Variants in ANKRD29 observed in about 807,000 individuals in gnomAD.
The protein encoded by ANKRD29 is ankyrin repeat domain 29.
In ANKRD29, 32 loss-of-function variants were observed where a neutral mutation model predicts 38.0. The ratio of observed to expected loss-of-function variants is 0.84; its 90% confidence interval spans 0.64 to 1.13. The LOEUF (loss-of-function observed/expected upper bound fraction) is 1.13. ANKRD29 is among the 50% of genes most tolerant of loss of function. The pLI, the probability that ANKRD29 is intolerant of heterozygous loss-of-function variation, is 0.00. For synonymous variants in ANKRD29, 135 were observed against 152.4 expected, an observed-to-expected ratio of 0.89 and a Z score of 0.84; for missense variants, 357 against 377.9, an observed-to-expected ratio of 0.94 and a Z score of 0.46.
intron 1 of ANKRD29, among the ~76,000 whole-genome samples, chr18:23,652,065 A>G (rs1190977317): frequency 6.6e-6 from 1 of 152,090 alleles, no homozygotes; most frequent in Non-Finnish European, 1.5e-5. Context: ...AAAAATGATG[A>G]GTTCAGGGTT....
intron 9 of ANKRD29, among the ~76,000 whole-genome samples, chr18:23,603,878 T>C (rs1473275231): frequency 6.6e-6 from 1 of 151,836 alleles, no homozygotes; most frequent in African/African-American, 2.4e-5. Context: ...AGTCTCACTC[T>C]GTTGCCCAGG....
At chr18:23,604,801 T>A (rs1244169865) in intron 9 of ANKRD29, among the ~76,000 whole-genome samples, 2 of 152,200 alleles carry the variant, frequency 1.3e-5, no homozygotes, top group Non-Finnish European at 2.9e-5. Context: ...AGTGCTGGAA[T>A]TACAGGCGTG....
chr18:23,639,397 A>C (rs1372575296), intron 3 of ANKRD29, among the ~76,000 whole-genome samples: 1 of 152,210 alleles, frequency 6.6e-6, no homozygotes, highest in Non-Finnish European at 1.5e-5. Context: ...GTATCCATAC[A>C]ATGGACTATT....
chr18:23,648,048 A>G (rs56718069), intron 2 of ANKRD29: 18,980 of 152,446 alleles, frequency 0.12, 2,548 homozygotes, highest in African/African-American at 0.3. Flanking sequence ...CAGGATGCAG[A>G]GAACAGTGGG....
At position 23,619,590 on chromosome 18, in the gene ANKRD29, G is replaced by A. The variant is rs1186920406; in HGVS notation, c.568C>T (p.His190Tyr). ...APLWIASQMG[H>Y]SEVVRVMLLR... Reference sequence around the variant, plus strand: ...AGCATCACCCGCACCACCTCGCTGTGGCCCATCTGGGACGCGATCCACAGG... The same window carrying A: ...AGCATCACCCGCACCACCTCGCTGTAGCCCATCTGGGACGCGATCCACAGG... The change falls in exon 7 of 10, where the codon CAC becomes TAC. Residue 190 changes from histidine to tyrosine, a missense_variant. His to Tyr is a moderately conservative substitution (Grantham distance 83). Coordinates refer to ENST00000592179, the MANE Select transcript of ANKRD29 (RefSeq NM_173505.4). 5 of 1,596,982 alleles carry A rather than the reference G, an allele frequency of 3.1e-6. No individual in the cohort carries two copies. Among genetic ancestry groups the A allele is most frequent in the Non-Finnish European group, 4.2e-6 (5 of 1,178,878 alleles).
At chr18:23,647,741 G>C (rs949409789) in intron 2 of ANKRD29, 2 of 152,144 alleles carry the variant, frequency 1.3e-5, no homozygotes, top group African/African-American at 2.4e-5. Flanking sequence ...GTGACAACTG[G>C]TGTTTCTGCC....
chr18:23,612,792 G>T (rs1353204510), intron 8 of ANKRD29, among the ~76,000 whole-genome samples: 1 of 152,084 alleles, frequency 6.6e-6, no homozygotes, highest in Non-Finnish European at 1.5e-5. Flanking sequence ...AATGTTTTAT[G>T]ACATTTACTG....
chr18:23,612,257 T>G, intron 8 of ANKRD29, 67 bp from the exon 9 acceptor site: 1 of 1,366,142 alleles, frequency 7.3e-7, no homozygotes, highest in South Asian at 1.2e-5. Context: ...ATGGCTTTCA[T>G]CATAAACCAT....
intron 9 of ANKRD29, among the ~76,000 whole-genome samples, chr18:23,606,237 T>G (rs1397808435): frequency 2.0e-5 from 3 of 152,168 alleles, no homozygotes; most frequent in Non-Finnish European, 4.4e-5. Flanking sequence ...TCAGCCACCC[T>G]AGTAGTTAGG....
intron 3 of ANKRD29, among the ~76,000 whole-genome samples, chr18:23,642,272 G>A (rs1183936405): frequency 3.9e-5 from 6 of 151,932 alleles, no homozygotes; most frequent in Non-Finnish European, 8.8e-5. Context: ...GCCCTTTGGG[G>A]AGCCCAGACC....
intron 9 of ANKRD29, among the ~76,000 whole-genome samples, chr18:23,601,622 G>A (rs950939346): frequency 1.3e-5 from 2 of 152,078 alleles, no homozygotes; most frequent in East Asian, 3.8e-4. Flanking sequence ...TGTCTAAAAT[G>A]TGCTCAATAA....
Position 23,638,936 on chromosome 18 carries a change from A to T in ANKRD29, c.243T>A (p.Thr81=), listed in dbSNP as rs1479427195. 1 of 1,608,598 alleles carries T rather than the reference A, an allele frequency of 6.2e-7. No individual in the cohort carries two copies. Among genetic ancestry groups the T allele is most frequent in the Admixed American group, 1.7e-5 (1 of 58,318 alleles). The change falls in exon 4 of 10, where the codon ACT becomes ACA. Residue 81 remains threonine (T), a synonymous_variant. Transcript: ENST00000592179. ...CTTGCTGGGCGGCAAAGAATAGGGC[A>T]GTTGTACCTGACTGGGAGAGAGGGA... ...DINLQRESGT[T]ALFFAAQQGH... is the part of the protein sequence containing the mutation.
chr18:23,616,574 T>C lies in ANKRD29; in HGVS notation c.723+1158A>G, dbSNP rs556705686. Among the ~76,000 whole-genome samples the C allele has an allele frequency of 1.6e-3, 219 of 138,518 alleles. 1 individual carries two copies. Among genetic ancestry groups the C allele is most frequent in the South Asian group, 6.7e-3 (31 of 4,646 alleles). The allele number at this position is 138,518 out of a possible 152,430, so 90.9% of individuals were successfully genotyped here. On this transcript the variant is annotated intron_variant, in intron 8 of 9. Transcript: ENST00000592179. ...AGTATATATATATATACACTATATA[T>C]ACAGTATATATATATATATACTATA...
intron 6 of ANKRD29, 135 bp from the exon 7 acceptor site, chr18:23,619,764 G>C (rs1372016614): frequency 1.5e-6 from 1 of 676,932 alleles, no homozygotes; most frequent in African/African-American, 1.9e-5. Context: ...ACACTCTGCA[G>C]CTGATCCACA....
At chr18:23,628,802 C>G (rs2059892840) in intron 6 of ANKRD29, among the ~76,000 whole-genome samples, 1 of 149,980 alleles carries the variant, frequency 6.7e-6, no homozygotes, top group Non-Finnish European at 1.5e-5. Context: ...CCACCACACT[C>G]CAGCCTGGAT....
intron 5 of ANKRD29, among the ~76,000 whole-genome samples, chr18:23,630,477 CA>C: frequency 6.6e-6 from 1 of 151,622 alleles, no homozygotes; most frequent in East Asian, 1.9e-4. Flanking sequence ...AAAAATTAGC[CA>C]GGTGTGGTGC....
intron 1 of ANKRD29, among the ~76,000 whole-genome samples, chr18:23,657,831 C>T (rs551010611): frequency 6.6e-6 from 1 of 152,292 alleles, no homozygotes; most frequent in South Asian, 2.1e-4. Flanking sequence ...TGCTTGTGTT[C>T]CTCCCCAAAT....
intron 2 of ANKRD29, chr18:23,647,601 C>A (rs2060156418): frequency 6.6e-6 from 1 of 152,038 alleles, no homozygotes; most frequent in Non-Finnish European, 1.5e-5. Context: ...CTCACTGCAA[C>A]CCCCGCCTCC....
rs765493407 is a variant in ANKRD29 at position 23,629,914 on chromosome 18, C to A, written c.467G>T (p.Gly156Val). ...ATALFLAAQG[G>V]YLDVIRLLLA... is the part of the protein sequence containing the mutation. The stretch of plus-strand genomic sequence containing the variant: ...CAGTAATCGAATAACATCCAAGTAA[C>A]CACCTTGGGCAGCTAGGAAGAGGGC... Residue 156 changes from glycine (G) to valine (V), a missense_variant, in exon 6 of 10, where the codon GGT (glycine) becomes GTT (valine). By Grantham distance (109) the Gly-to-Val change is moderately radical (BLOSUM62 -3). Transcript: ENST00000592179. 2 of 1,614,134 alleles carry A rather than the reference C, an allele frequency of 1.2e-6. No individual in the cohort carries two copies. Among genetic ancestry groups the A allele is most frequent in the Non-Finnish European group, 1.7e-6 (2 of 1,180,010 alleles).
Sources: gnomAD v4.1 joint callset for allele counts (sites outside exome capture counted in the v4.1 genomes callset) on GRCh38, gnomAD v4.1.1 for gene constraint, MANE v1.5 for transcripts, NCBI Gene and HGNC (gene_info 2026-07-23, HGNC 2026-07-21) for gene names.